BCAR3: variants seen among roughly 807,000 people sequenced by gnomAD.
BCAR3 encodes the protein breast cancer anti-estrogen resistance protein 3.
BCAR3 carries 37 observed loss-of-function variants against 80.1 expected under a neutral mutation model. The observed-to-expected ratio is 0.46, with a 90% CI of 0.36 to 0.61. The LOEUF (loss-of-function observed/expected upper bound fraction) is 0.61, where lower values mean the gene tolerates loss of function less well. Among genes scored for constraint, BCAR3 ranks in the 20% least tolerant of loss-of-function variants. The probability of loss-of-function intolerance (pLI) is 0.00; values close to 1 mark genes in which losing one functional copy is unlikely to be tolerated. For synonymous variants in BCAR3, 389 were observed against 418.9 expected, an observed-to-expected ratio of 0.93 and a Z score of 0.87; for missense variants, 978 against 1,068.2, an observed-to-expected ratio of 0.92 and a Z score of 1.18.
intron 3 of BCAR3, among the ~76,000 whole-genome samples, chr1:93,695,463 C>G (rs1649355186): frequency 6.6e-6 from 1 of 152,152 alleles, no homozygotes; most frequent in Non-Finnish European, 1.5e-5. Context: ...TAGAAACCCA[C>G]CCAGTATGTT....
At chr1:93,584,295 T>G (rs2101835026) in intron 5 of BCAR3, among the ~76,000 whole-genome samples, 174 bp from the exon 6 acceptor site, 1 of 152,300 alleles carries the variant, frequency 6.6e-6, no homozygotes, top group African/African-American at 2.4e-5. Context: ...AAATTACTGA[T>G]GGGACGATTA....
chr1:93,641,407 A>C (rs575894370), intron 3 of BCAR3, among the ~76,000 whole-genome samples: 16 of 152,322 alleles, frequency 1.1e-4, no homozygotes, highest in African/African-American at 3.8e-4. Flanking sequence ...TCTAAACTCT[A>C]ACTCTTGCTA....
Position 93,716,418 on chromosome 1 carries a change from C to G in BCAR3, c.-62-10276G>C, listed in dbSNP as rs995858012. Among the ~76,000 whole-genome samples the G allele has an allele frequency of 5.3e-5, 8 of 152,172 alleles. 1 individual carries two copies. Among genetic ancestry groups the G allele is most frequent in the Admixed American group, 2.6e-4 (4 of 15,280 alleles). ...AATATTGTTTGTAAAACACCAATTT[C>G]TCTGCTCAAAACCCACTGAAGCTCA... is the stretch of plus-strand genomic sequence containing the variant. On this transcript the variant is annotated intron_variant, in intron 2 of 13. Coordinates refer to the BCAR3 transcript ENST00000370244.
chr1:93,807,268 A>G (rs1438060152), intron 2 of BCAR3, among the ~76,000 whole-genome samples: 1 of 152,196 alleles, frequency 6.6e-6, no homozygotes, highest in Non-Finnish European at 1.5e-5. Flanking sequence ...GACATACAAA[A>G]TTTATTTAAC....
At chr1:93,620,299 C>T (rs1675269269) in intron 3 of BCAR3, among the ~76,000 whole-genome samples, 1 of 152,210 alleles carries the variant, frequency 6.6e-6, no homozygotes. Context: ...TCTAAAACTG[C>T]TTATTCAAAT....
chr1:93,695,109 A>G (rs767884387), intron 3 of BCAR3, among the ~76,000 whole-genome samples: 3 of 152,144 alleles, frequency 2.0e-5, no homozygotes, highest in Non-Finnish European at 4.4e-5. Context: ...CATCGACATC[A>G]TTCTGGTCTA....
At chr1:93,634,447 T>C (rs1675715482) in intron 3 of BCAR3, among the ~76,000 whole-genome samples, 1 of 152,110 alleles carries the variant, frequency 6.6e-6, no homozygotes, top group Admixed American at 6.6e-5. Flanking sequence ...ATCCCAGCAC[T>C]TTGGGAGGTC....
At chr1:93,626,428 T>A (rs1478050607) in intron 3 of BCAR3, among the ~76,000 whole-genome samples, 1 of 152,202 alleles carries the variant, frequency 6.6e-6, no homozygotes, top group African/African-American at 2.4e-5. Flanking sequence ...TCTGGTACAG[T>A]GGTGCTCAAA....
At chr1:93,698,105 G>A (rs1221194802) in intron 3 of BCAR3, among the ~76,000 whole-genome samples, 2 of 152,252 alleles carry the variant, frequency 1.3e-5, no homozygotes, top group African/African-American at 4.8e-5. Context: ...GGAGGCAGGA[G>A]AAGCAAGTTC....
chr1:93,564,346 G>C (rs1365584592), intron 11 of BCAR3, among the ~76,000 whole-genome samples: 1 of 140,712 alleles, frequency 7.1e-6, no homozygotes, highest in Non-Finnish European at 1.5e-5. Flanking sequence ...CCAGGCTGAA[G>C]TGCAATGGTG....
intron 3 of BCAR3, among the ~76,000 whole-genome samples, chr1:93,601,021 G>A (rs920910272): frequency 2.0e-5 from 3 of 152,104 alleles, no homozygotes; most frequent in Admixed American, 2.0e-4. Context: ...TTGGAGGCTG[G>A]TCAAGAACAA....
chr1:93,644,759 C>G (rs1230263171), intron 2 of BCAR3, among the ~76,000 whole-genome samples: 1 of 152,206 alleles, frequency 6.6e-6, no homozygotes, highest in Non-Finnish European at 1.5e-5. Context: ...GCTAAGGTAC[C>G]AGCCAGGGCC....
At chr1:93,761,623 G>A (rs1346677960) in intron 2 of BCAR3, among the ~76,000 whole-genome samples, 1 of 152,130 alleles carries the variant, frequency 6.6e-6, no homozygotes, top group African/African-American at 2.4e-5. Context: ...CAGTTACTGT[G>A]TGCCCTCAGC....
At chr1:93,806,375 T>C (rs1653653161) in intron 2 of BCAR3, among the ~76,000 whole-genome samples, 1 of 152,212 alleles carries the variant, frequency 6.6e-6, no homozygotes, top group African/African-American at 2.4e-5. Context: ...TAAATGATTA[T>C]CTTTGAAAGC....
At chr1:93,773,094 T>C (rs1652417750) in intron 2 of BCAR3, among the ~76,000 whole-genome samples, 1 of 152,136 alleles carries the variant, frequency 6.6e-6, no homozygotes, top group South Asian at 2.1e-4. Context: ...AGAAGATTGA[T>C]AGGTTAGTTG....
chr1:93,776,468 C>G (rs964565569), intron 2 of BCAR3, among the ~76,000 whole-genome samples: 1 of 152,042 alleles, frequency 6.6e-6, no homozygotes, highest in Non-Finnish European at 1.5e-5. Flanking sequence ...TTTAAACTGT[C>G]GATAAGCCAT....
chr1:93,661,370 A>G (rs1647647485), intron 2 of BCAR3, among the ~76,000 whole-genome samples: 3 of 151,670 alleles, frequency 2.0e-5, no homozygotes, highest in Non-Finnish European at 4.4e-5. Context: ...TAGAGACGGT[A>G]TGGGTTTCAC....
chr1:93,749,128 A>C (rs12130252), intron 2 of BCAR3, among the ~76,000 whole-genome samples: 16,701 of 151,258 alleles, frequency 0.11, 1,246 homozygotes, highest in African/African-American at 0.2. Context: ...GTGGGCCCCC[A>C]CACACACAAA....
intron 1 of BCAR3, among the ~76,000 whole-genome samples, chr1:93,675,706 T>G: frequency 6.7e-6 from 1 of 150,108 alleles, no homozygotes; most frequent in African/African-American, 2.5e-5. Flanking sequence ...AAAAAAATGG[T>G]GGGGGGCAAA....
Sources: gnomAD v4.1 joint callset for allele counts (sites outside exome capture counted in the v4.1 genomes callset) on GRCh38, gnomAD v4.1.1 for gene constraint, MANE v1.5 for transcripts, NCBI Gene and HGNC (gene_info 2026-07-23, HGNC 2026-07-21) for gene names.